The following PRDM11 variants were observed in gnomAD, a reference collection of about 807,000 sequenced individuals.
PRDM11 encodes PR/SET domain 11.
Under a neutral mutation model 97.8 loss-of-function variants are expected in PRDM11, and 20 were observed. The observed-to-expected ratio is 0.20, with a 90% CI of 0.14 to 0.30. The LOEUF is 0.30. Ranked by LOEUF, PRDM11 falls within the 10% of genes least tolerant of loss-of-function variation. The pLI is 1.00. For synonymous variants in PRDM11, 599 were observed against 637.7 expected, an observed-to-expected ratio of 0.94 and a Z score of 0.91; for missense variants, 1,139 against 1,555.2, an observed-to-expected ratio of 0.73 and a Z score of 4.50.
intron 6 of PRDM11, among the ~76,000 whole-genome samples, chr11:45,223,667 T>TA (rs1469035760): frequency 6.6e-6 from 1 of 152,108 alleles, no homozygotes; most frequent in Non-Finnish European, 1.5e-5. Flanking sequence ...CTGGGAGAAT[T>TA]AGAAAGGACA....
chr11:45,198,742 A>C (rs1336706684), intron 4 of PRDM11, among the ~76,000 whole-genome samples: 1 of 152,238 alleles, frequency 6.6e-6, no homozygotes, highest in East Asian at 1.9e-4. Context: ...AGAGGGGCCC[A>C]GAAGAGTCCT....
At position 45,224,072 on chromosome 11, in the gene PRDM11, A is replaced by G. The variant is rs1168923402; in HGVS notation, c.743-145A>G. 7.6e-6 allele frequency: 7 copies of G among 922,478 alleles called. No homozygotes were observed. The Admixed American group carries it at 1.7e-4, about 22-fold the overall frequency. The allele number at this position is 922,478 out of a possible 1,614,324, so 57.1% of individuals were successfully genotyped here. The stretch of plus-strand genomic sequence containing the variant: ...TCTGATGGACCACTGAGTGATTCGT[A>G]TCTCCCCTTTGCAACACTTGCCCCA... On this transcript the variant is annotated intron_variant, in intron 6 of 7. Transcript: ENST00000683152.
At chr11:45,163,962 G>T (rs908602195) in intron 1 of PRDM11, among the ~76,000 whole-genome samples, 1 of 152,150 alleles carries the variant, frequency 6.6e-6, no homozygotes, top group Non-Finnish European at 1.5e-5. Flanking sequence ...CTGAGGTTTG[G>T]CAGCCAGCAG....
At chr11:45,201,006 GATGGTGAGGCAATGTGCCA>G (rs1853307500) in intron 4 of PRDM11, among the ~76,000 whole-genome samples, 2 of 152,284 alleles carry the variant, frequency 1.3e-5, no homozygotes, top group African/African-American at 4.8e-5. Flanking sequence ...TGGTGATGGT[GATGGTGAGGCAATGTGCCA>G]ATTTCCATGG....
At chr11:45,106,191 G>T (rs1852058540) in intron 1 of PRDM11, among the ~76,000 whole-genome samples, 1 of 152,188 alleles carries the variant, frequency 6.6e-6, no homozygotes, top group Non-Finnish European at 1.5e-5. Context: ...CTCAAGCCCA[G>T]GCTGGCCATG....
At chr11:45,159,572 C>T (rs1050112853) in intron 1 of PRDM11, among the ~76,000 whole-genome samples, 2 of 152,206 alleles carry the variant, frequency 1.3e-5, no homozygotes, top group African/African-American at 4.8e-5. Context: ...CTTAGACCCA[C>T]ATGTCCTGAC....
intron 1 of PRDM11, chr11:45,095,949 C>A (rs1565215525): frequency 1.3e-6 from 1 of 768,304 alleles, no homozygotes; most frequent in African/African-American, 1.7e-5. Context: ...AACGCTTGCA[C>A]TTGCTACTAC....
intron 1 of PRDM11, among the ~76,000 whole-genome samples, chr11:45,155,861 A>T (rs534624891): frequency 5.9e-5 from 9 of 152,154 alleles, no homozygotes; most frequent in African/African-American, 1.9e-4. Flanking sequence ...TATAAACATC[A>T]GCGACAGCCG....
At position 45,226,499 on chromosome 11, in the gene PRDM11, A is replaced by G; in HGVS notation, c.1874A>G (p.Asp625Gly). The G allele has an allele frequency of 6.5e-7, 1 of 1,533,900 alleles. No homozygotes were observed. Among genetic ancestry groups the G allele is most frequent in the Non-Finnish European group, 8.7e-7 (1 of 1,146,724 alleles). Reference protein sequence around the residue: ...LLRKCELKVVDQYMNEGDCQI... With the variant: ...LLRKCELKVVGQYMNEGDCQI... Reference sequence around the variant, plus strand: ...AGGAAGTGTGAGCTCAAGGTGGTGGACCAGTACATGAATGAGGGAGACTGC... The same window carrying G: ...AGGAAGTGTGAGCTCAAGGTGGTGGGCCAGTACATGAATGAGGGAGACTGC... The change falls in exon 8 of 8, where the codon GAC (aspartate) becomes GGC (glycine). Residue 625 changes from aspartate to glycine, a missense_variant. Around this residue, in one of 2 missense-constraint regions of PRDM11, gnomAD observed 710 missense variants for 1,044.9 expected, o/e 0.68. Transcript: ENST00000683152.
chr11:45,105,784 A>T (rs1417816817), intron 1 of PRDM11, among the ~76,000 whole-genome samples: 1 of 152,178 alleles, frequency 6.6e-6, no homozygotes, highest in Non-Finnish European at 1.5e-5. Context: ...GCAGTGGAGG[A>T]GCCCATGGCT....
intron 1 of PRDM11, among the ~76,000 whole-genome samples, chr11:45,138,176 A>G (rs1295343938): frequency 2.6e-5 from 4 of 152,242 alleles, no homozygotes; most frequent in African/African-American, 9.6e-5. Context: ...AGGGAGCCCA[A>G]TGAACAGGGG....
At chr11:45,106,591 G>A (rs761723394) in intron 1 of PRDM11, among the ~76,000 whole-genome samples, 5 of 152,138 alleles carry the variant, frequency 3.3e-5, no homozygotes, top group Non-Finnish European at 7.4e-5. Flanking sequence ...TGCCTGAGGC[G>A]CCGGCTGGAA....
At chr11:45,161,165 C>A in intron 1 of PRDM11, among the ~76,000 whole-genome samples, 1 of 152,288 alleles carries the variant, frequency 6.6e-6, no homozygotes, top group East Asian at 1.9e-4. Context: ...TGCTGAGGAC[C>A]GAGTGAGCTA....
intron 1 of PRDM11, among the ~76,000 whole-genome samples, chr11:45,163,494 G>C (rs371160904): frequency 0.02 from 3,078 of 151,634 alleles, 96 homozygotes; most frequent in African/African-American, 0.071. Context: ...AGGATGGGGG[G>C]GGGTACCCGG....
chr11:45,132,661 A>G (rs969638552), intron 1 of PRDM11, among the ~76,000 whole-genome samples: 1 of 152,132 alleles, frequency 6.6e-6, no homozygotes, highest in African/African-American at 2.4e-5. Flanking sequence ...ATCCTTTCAC[A>G]ATCTGCCTCT....
intron 1 of PRDM11, among the ~76,000 whole-genome samples, chr11:45,160,941 AG>A (rs1336335168): frequency 6.6e-6 from 1 of 152,088 alleles, no homozygotes; most frequent in Non-Finnish European, 1.5e-5. Flanking sequence ...CTTCACATAC[AG>A]GGTTTTCTGC....
chr11:45,162,015 A>T (rs1851941373), intron 1 of PRDM11, among the ~76,000 whole-genome samples: 4 of 152,176 alleles, frequency 2.6e-5, no homozygotes, highest in Admixed American at 6.5e-5. Flanking sequence ...TCTTGGCAAA[A>T]GGTTCCTGGC....
intron 1 of PRDM11, among the ~76,000 whole-genome samples, chr11:45,133,671 CCTT>C (rs901527673): frequency 1.6e-4 from 24 of 152,278 alleles, no homozygotes; most frequent in Admixed American, 9.8e-4. Context: ...TAACTCCTTC[CCTT>C]CTTCTACTGG....
intron 5 of PRDM11, chr11:45,213,060 T>C (rs1408638337): frequency 8.9e-6 from 4 of 447,548 alleles, no homozygotes; most frequent in African/African-American, 4.0e-5. Flanking sequence ...TAGTCTGCAC[T>C]AGGAGGAAGA....
Sources: allele counts gnomAD v4.1 joint callset (sites outside exome capture counted in the v4.1 genomes callset), GRCh38; gene constraint gnomAD v4.1.1; regional missense constraint gnomAD v4.1.1; transcripts MANE v1.5; gene names NCBI Gene and HGNC (gene_info 2026-07-23, HGNC 2026-07-21).